The following ROBO1 variants were observed in gnomAD, a reference collection of about 807,000 sequenced individuals.
The protein encoded by ROBO1 is roundabout guidance receptor 1.
ROBO1 carries 149 observed loss-of-function variants against 195.9 expected under a neutral mutation model. The ratio of observed to expected loss-of-function variants is 0.76; its 90% CI spans 0.67 to 0.87. ROBO1 has a LOEUF of 0.87. Among genes scored for constraint, ROBO1 ranks in the 40% least tolerant of loss-of-function variants. The pLI is 0.00. For synonymous variants in ROBO1, 816 were observed against 733.2 expected, an observed-to-expected ratio of 1.11 and a Z score of -1.82; for missense variants, 1,933 against 2,068.3, an observed-to-expected ratio of 0.93 and a Z score of 1.27.
chr3:78,673,582 A>ACG (rs1708213951), intron 10 of ROBO1, among the ~76,000 whole-genome samples: 7 of 64,128 alleles, frequency 1.1e-4, no homozygotes, highest in African/African-American at 3.3e-4. Flanking sequence ...ATATATATAT[A>ACG]TATATATATA....
intron 2 of ROBO1, among the ~76,000 whole-genome samples, chr3:79,254,736 C>T (rs954361445): frequency 1.3e-5 from 2 of 152,200 alleles, no homozygotes; most frequent in Non-Finnish European, 2.9e-5. Flanking sequence ...AAGTCTCTCT[C>T]ATTATTTCAA....
At chr3:79,622,652 C>G (rs1322597489) in intron 1 of ROBO1, among the ~76,000 whole-genome samples, 2 of 152,202 alleles carry the variant, frequency 1.3e-5, no homozygotes, top group Non-Finnish European at 2.9e-5. Flanking sequence ...TCCAATAACT[C>G]CAGCCAGAGG....
intron 2 of ROBO1, among the ~76,000 whole-genome samples, chr3:79,406,544 AGGGAAGAGATGCATT>A (rs1252570602): frequency 6.6e-6 from 1 of 151,890 alleles, no homozygotes; most frequent in African/African-American, 2.4e-5. Context: ...TCAAGCCTAT[AGGGAAGAGATGCATT>A]GTGTGTGTGT....
chr3:78,842,845 G>A (rs1034002039), intron 4 of ROBO1, among the ~76,000 whole-genome samples: 2 of 151,800 alleles, frequency 1.3e-5, no homozygotes, highest in African/African-American at 4.8e-5. Context: ...CTGATGCAGT[G>A]AGTTAACTCT....
chr3:78,803,633 G>A (rs942125159), intron 4 of ROBO1, among the ~76,000 whole-genome samples: 4 of 151,966 alleles, frequency 2.6e-5, no homozygotes, highest in African/African-American at 9.7e-5. Flanking sequence ...ACAGTTCCAT[G>A]AAACAACAAA....
At chr3:79,217,997 A>C (rs2082081793) in intron 2 of ROBO1, among the ~76,000 whole-genome samples, 1 of 151,862 alleles carries the variant, frequency 6.6e-6, no homozygotes, top group East Asian at 1.9e-4. Context: ...GATAGACATA[A>C]AAATGGAAGA....
intron 2 of ROBO1, among the ~76,000 whole-genome samples, chr3:79,184,749 C>A (rs114195675): frequency 6.6e-6 from 1 of 152,084 alleles, no homozygotes; most frequent in African/African-American, 2.4e-5. Flanking sequence ...TGGAAAGGAT[C>A]CCTGAAAAGT....
At chr3:79,647,937 G>A (rs1301048588) in intron 1 of ROBO1, among the ~76,000 whole-genome samples, 1 of 152,032 alleles carries the variant, frequency 6.6e-6, no homozygotes, top group Non-Finnish European at 1.5e-5. Flanking sequence ...TTATTTCAAT[G>A]TCTCACATTA....
At chr3:78,921,686 C>A (rs1484088198) in intron 4 of ROBO1, among the ~76,000 whole-genome samples, 5 of 152,034 alleles carry the variant, frequency 3.3e-5, no homozygotes, top group African/African-American at 1.2e-4. Context: ...CAGAAACACA[C>A]TTTTAAACAG....
intron 2 of ROBO1, among the ~76,000 whole-genome samples, chr3:79,152,690 T>G (rs879357217): frequency 1.3e-5 from 2 of 151,718 alleles, no homozygotes; most frequent in Non-Finnish European, 2.9e-5. Flanking sequence ...ATGGGAGGAA[T>G]CTGACAAGAA....
chr3:79,668,895 G>A (rs58475129), intron 1 of ROBO1, among the ~76,000 whole-genome samples: 42,433 of 151,706 alleles, frequency 0.28, 7,424 homozygotes, highest in East Asian at 0.53. Flanking sequence ...CGGAGATCAT[G>A]AACAGAACTT....
chr3:79,682,602 G>A (rs1180433618), intron 1 of ROBO1, among the ~76,000 whole-genome samples: 1 of 151,926 alleles, frequency 6.6e-6, no homozygotes, highest in African/African-American at 2.4e-5. Context: ...TTTAAGAAAA[G>A]TACTTTCCCC....
intron 1 of ROBO1, among the ~76,000 whole-genome samples, chr3:79,595,724 CTTTTT>C (rs371458059): frequency 1.4e-5 from 2 of 138,434 alleles, no homozygotes; most frequent in African/African-American, 2.6e-5. Flanking sequence ...TTTCTTTTTA[CTTTTT>C]TTTTTTTTTT....
intron 4 of ROBO1, among the ~76,000 whole-genome samples, chr3:78,936,962 G>A (rs2039847303): frequency 2.6e-5 from 4 of 152,038 alleles, no homozygotes; most frequent in African/African-American, 7.2e-5. Context: ...TAAGAGAAAG[G>A]TCATAAGTTC....
chr3:79,185,696 G>A (rs907260529), intron 2 of ROBO1, among the ~76,000 whole-genome samples: 1 of 152,078 alleles, frequency 6.6e-6, no homozygotes, highest in Admixed American at 6.6e-5. Flanking sequence ...AAATTAATTT[G>A]TTGTTGTCGT....
At chr3:79,281,488 GA>G (rs2031504047) in intron 2 of ROBO1, among the ~76,000 whole-genome samples, 1 of 152,064 alleles carries the variant, frequency 6.6e-6, no homozygotes, top group African/African-American at 2.4e-5. Context: ...AGGTGACTGT[GA>G]AAAATGTTAA....
intron 2 of ROBO1, among the ~76,000 whole-genome samples, chr3:79,291,609 A>G (rs1450198214): frequency 6.6e-6 from 1 of 152,224 alleles, no homozygotes; most frequent in Non-Finnish European, 1.5e-5. Flanking sequence ...TGAGATTTCA[A>G]CAACAAGGGC....
At chr3:78,641,955 A>G (rs545553645) in intron 21 of ROBO1, among the ~76,000 whole-genome samples, 1 of 152,308 alleles carries the variant, frequency 6.6e-6, no homozygotes, top group Admixed American at 6.5e-5. Flanking sequence ...AAGGTGAGCC[A>G]TGATTACTGG....
chr3:79,528,806 G>A (rs890409539), intron 2 of ROBO1, among the ~76,000 whole-genome samples: 21 of 152,148 alleles, frequency 1.4e-4, no homozygotes, highest in South Asian at 6.2e-4. Context: ...TACGGTCAGC[G>A]ATGCAGCTGA....
Sources: allele counts gnomAD v4.1 joint callset (sites outside exome capture counted in the v4.1 genomes callset), GRCh38; gene constraint gnomAD v4.1.1; transcripts MANE v1.5; gene names NCBI Gene and HGNC (gene_info 2026-07-23, HGNC 2026-07-21).